Variants in RBPMS observed in about 807,000 individuals in gnomAD.
The protein encoded by RBPMS is RNA binding protein, mRNA processing factor.
RBPMS carries 7 observed loss-of-function variants against 26.8 expected under a neutral mutation model. The observed-to-expected ratio is 0.26, with a 90% CI of 0.15 to 0.49. RBPMS has a LOEUF of 0.49. Among genes scored for constraint, RBPMS ranks in the 20% least tolerant of loss-of-function variants. The probability of loss-of-function intolerance (pLI) is 0.98; values close to 1 mark genes in which losing one functional copy is unlikely to be tolerated. For synonymous variants in RBPMS, 96 were observed against 93.3 expected (o/e 1.03, Z -0.17); for missense variants, 186 against 250.0 (o/e 0.74, Z 1.73).
Position 30,452,000 on chromosome 8 carries a change from A to C in RBPMS, c.67-22779A>C, listed in dbSNP as rs1349775426. Among the ~76,000 whole-genome samples the C allele has an allele frequency of 3.3e-5, 5 of 152,312 alleles. No homozygotes were observed. In the East Asian group the frequency reaches 7.7e-4, roughly 24 times the overall value. On this transcript the variant is annotated intron_variant, in intron 1 of 8. Coordinates refer to ENST00000397323, the MANE Select transcript of RBPMS (RefSeq NM_001008710.3). ...TGGCACCTTTTAGGGAGGAAGCAGC[A>C]GTCAAGGGCCATTAGTACTAGAACA... is the stretch of plus-strand genomic sequence containing the variant.
chr8:30,435,053 T>C (rs144956341), intron 1 of RBPMS, among the ~76,000 whole-genome samples: 138 of 152,004 alleles, frequency 9.1e-4, no homozygotes, highest in African/African-American at 3.2e-3. Context: ...ATCCAAATGC[T>C]TACAGGTTAA....
chr8:30,412,687 G>A (rs1287801304), intron 1 of RBPMS, among the ~76,000 whole-genome samples: 6 of 152,098 alleles, frequency 3.9e-5, no homozygotes, highest in Non-Finnish European at 8.8e-5. Context: ...TTTAAGTGCT[G>A]TATTGAGGAG....
chr8:30,468,144 T>C (rs1816710316), intron 1 of RBPMS, among the ~76,000 whole-genome samples: 1 of 152,218 alleles, frequency 6.6e-6, no homozygotes, highest in Non-Finnish European at 1.5e-5. Context: ...TTTTTAAATA[T>C]ACAGGTTAAT....
chr8:30,523,392 G>GTTA (rs1336015980), intron 5 of RBPMS, among the ~76,000 whole-genome samples: 1 of 150,066 alleles, frequency 6.7e-6, no homozygotes, highest in East Asian at 1.9e-4. Flanking sequence ...AAAAAAAAAA[G>GTTA]TAATAATGAT....
chr8:30,454,946 C>G (rs923658530), intron 1 of RBPMS, among the ~76,000 whole-genome samples: 2 of 152,192 alleles, frequency 1.3e-5, no homozygotes, highest in African/African-American at 4.8e-5. Context: ...CCTCAGCCTC[C>G]CAAGTAGCTG....
At chr8:30,487,742 GA>G (rs1313098427) in intron 4 of RBPMS, among the ~76,000 whole-genome samples, 1 of 151,680 alleles carries the variant, frequency 6.6e-6, no homozygotes, top group East Asian at 1.9e-4. Flanking sequence ...AAATTTTAGT[GA>G]ACATTATTAG....
At chr8:30,496,369 C>T (rs1043992836) in intron 4 of RBPMS, among the ~76,000 whole-genome samples, 5 of 152,056 alleles carry the variant, frequency 3.3e-5, no homozygotes, top group East Asian at 3.9e-4. Flanking sequence ...GGGGTTTCAC[C>T]GTGTTAGCCA....
intron 1 of RBPMS, chr8:30,445,092 T>A (rs1813582210): frequency 6.6e-6 from 1 of 152,184 alleles, no homozygotes; most frequent in Non-Finnish European, 1.5e-5. Flanking sequence ...CTATATTACA[T>A]TTGGCCTGAA....
intron 1 of RBPMS, among the ~76,000 whole-genome samples, chr8:30,429,029 T>C (rs1367460624): frequency 6.6e-6 from 1 of 152,182 alleles, no homozygotes; most frequent in Admixed American, 6.5e-5. Context: ...AGAAAAAAGA[T>C]GTCATTGAAG....
intron 5 of RBPMS, among the ~76,000 whole-genome samples, chr8:30,540,816 G>T (rs1050907862): frequency 6.6e-6 from 1 of 152,186 alleles, no homozygotes; most frequent in Non-Finnish European, 1.5e-5. Flanking sequence ...AGTAGTGTTG[G>T]TGAAGATCAA....
At chr8:30,559,501 G>C (rs1827265518) in intron 7 of RBPMS, among the ~76,000 whole-genome samples, 1 of 152,198 alleles carries the variant, frequency 6.6e-6, no homozygotes, top group Admixed American at 6.5e-5. Flanking sequence ...TCCTAAATGG[G>C]CATTTTTGTG....
At chr8:30,516,209 A>G (rs752015420) in intron 5 of RBPMS, among the ~76,000 whole-genome samples, 2 of 152,098 alleles carry the variant, frequency 1.3e-5, no homozygotes, top group African/African-American at 2.4e-5. Context: ...GTGAAACCCA[A>G]TCATTACTAA....
rs904908127 is a variant in RBPMS, at chr8:30,514,671, C to G, written c.397+10235C>G. Among the ~76,000 whole-genome samples the G allele has an allele frequency of 2.9e-5, 3 of 102,812 alleles. No homozygotes were observed. The East Asian group carries it at 8.4e-4, about 29-fold the overall frequency. The allele number at this position is 102,812 out of a possible 152,430, so 67.4% of individuals were successfully genotyped here. ...AGCTGGGACTACGGGTGCGAGCCACCATGCCGGGCTTTTTTTTTTTTTTTT... is the reference window on the plus strand; with the variant it reads ...AGCTGGGACTACGGGTGCGAGCCACGATGCCGGGCTTTTTTTTTTTTTTTT... On this transcript the variant is annotated intron_variant, in intron 5 of 8. Coordinates refer to ENST00000397323, the MANE Select transcript of RBPMS (RefSeq NM_001008710.3).
intron 1 of RBPMS, among the ~76,000 whole-genome samples, chr8:30,418,669 C>CCTG (rs2150608745): frequency 6.6e-6 from 1 of 152,244 alleles, no homozygotes; most frequent in Admixed American, 6.5e-5. Flanking sequence ...ACCTCCGTCT[C>CCTG]CTGGGTTCAA....
intron 5 of RBPMS, among the ~76,000 whole-genome samples, chr8:30,522,024 T>C (rs1343985676): frequency 6.6e-6 from 1 of 152,202 alleles, no homozygotes; most frequent in African/African-American, 2.4e-5. Flanking sequence ...ATTGTATATT[T>C]GAAAATTGCT....
At chr8:30,550,102 G>A (rs1585852062) in intron 6 of RBPMS, among the ~76,000 whole-genome samples, 1 of 152,238 alleles carries the variant, frequency 6.6e-6, no homozygotes, top group African/African-American at 2.4e-5. Flanking sequence ...TGCCCGCCTT[G>A]GCCTCCCAAA....
chr8:30,544,775 T>C, intron 6 of RBPMS, 151 bp downstream of exon 6: 1 of 1,593,370 alleles, frequency 6.3e-7, no homozygotes, highest in Non-Finnish European at 8.5e-7. Flanking sequence ...AAGCTGACAC[T>C]CCTTCAGGAC....
intron 1 of RBPMS, among the ~76,000 whole-genome samples, chr8:30,454,826 T>G (rs1371240665): frequency 6.6e-6 from 1 of 152,180 alleles, no homozygotes; most frequent in Non-Finnish European, 1.5e-5. Context: ...TTTTGTTTGT[T>G]TGGTTTGTTT....
intron 1 of RBPMS, among the ~76,000 whole-genome samples, chr8:30,440,755 C>T (rs1443340995): frequency 6.6e-6 from 1 of 151,536 alleles, no homozygotes. Context: ...ATAAAGGTTC[C>T]AATTTTTCCC....
Sources: gnomAD v4.1 joint callset for allele counts (sites outside exome capture counted in the v4.1 genomes callset) on GRCh38, gnomAD v4.1.1 for gene constraint, MANE v1.5 for transcripts, NCBI Gene and HGNC (gene_info 2026-07-23, HGNC 2026-07-21) for gene names.